The following SLC7A1 variants were observed in gnomAD, a reference collection of about 807,000 sequenced individuals.
SLC7A1 encodes the protein high affinity cationic amino acid transporter 1.
In SLC7A1, 10 loss-of-function variants were observed where a neutral mutation model predicts 53.9. The ratio of observed to expected loss-of-function variants is 0.19; its 90% confidence interval spans 0.11 to 0.31. SLC7A1 has a LOEUF of 0.31. SLC7A1 is among the 10% of genes least tolerant of loss of function. The probability of loss-of-function intolerance (pLI) is 1.00; values close to 1 mark genes in which losing one functional copy is unlikely to be tolerated. For synonymous variants in SLC7A1, 342 were observed against 338.7 expected (o/e 1.01, Z -0.11); for missense variants, 525 against 827.2 (o/e 0.63, Z 4.48).
intron 1 of SLC7A1, among the ~76,000 whole-genome samples, chr13:29,579,844 T>C (rs1456455784): frequency 6.6e-6 from 1 of 152,234 alleles, no homozygotes; most frequent in Non-Finnish European, 1.5e-5. Flanking sequence ...CTGCTCCTTC[T>C]GGTCGAACCG....
intron 2 of SLC7A1, among the ~76,000 whole-genome samples, chr13:29,546,933 T>C (rs1869946345): frequency 6.6e-6 from 1 of 152,182 alleles, no homozygotes; most frequent in South Asian, 2.1e-4. Flanking sequence ...CGAGTCACAA[T>C]TGCTAATCCT....
At chr13:29,568,573 C>T (rs1156395147) in intron 1 of SLC7A1, among the ~76,000 whole-genome samples, 1 of 152,246 alleles carries the variant, frequency 6.6e-6, no homozygotes, top group Non-Finnish European at 1.5e-5. Flanking sequence ...TCACCTTGCA[C>T]ACAGCAGTGC....
At chr13:29,533,086 G>A in intron 3 of SLC7A1, 104 bp from the exon 4 acceptor site, 4 of 1,174,268 alleles carry the variant, frequency 3.4e-6, no homozygotes, top group Non-Finnish European at 4.7e-6. Flanking sequence ...GTCACCGACG[G>A]TGCACTGGAA....
At chr13:29,594,717 G>A (rs535518698) in intron 1 of SLC7A1, among the ~76,000 whole-genome samples, 1 of 152,336 alleles carries the variant, frequency 6.6e-6, no homozygotes, top group Admixed American at 6.5e-5. Flanking sequence ...GGGTCACAAG[G>A]AAGCCCACCT....
At chr13:29,530,315 T>A (rs1160826426) in intron 5 of SLC7A1, among the ~76,000 whole-genome samples, 1 of 152,214 alleles carries the variant, frequency 6.6e-6, no homozygotes, top group Non-Finnish European at 1.5e-5. Context: ...CAGTCTTTCT[T>A]GTCATACAAT....
In SLC7A1 at chr13:29,553,476, C is replaced by T. The variant is rs1054058354; in HGVS notation, c.-15+285G>A. 3.3e-5 allele frequency among the ~76,000 whole-genome samples: 5 copies of T among 152,068 alleles called. No individual in the cohort carries two copies. The East Asian group carries it at 7.7e-4, about 24-fold the overall frequency. On this transcript the variant is annotated intron_variant, in intron 2 of 12. Transcript: ENST00000380752. ...CTCAGGGACGGAAGGCCTGGCCAGC[C>T]GTAGGATATGAAGAGTTCTGTCTGA...
chr13:29,593,725 A>G (rs1248320736), intron 1 of SLC7A1, among the ~76,000 whole-genome samples: 1 of 152,198 alleles, frequency 6.6e-6, no homozygotes, highest in African/African-American at 2.4e-5. Flanking sequence ...AGAAAATTGT[A>G]ACTCCCTGAA....
intron 1 of SLC7A1, among the ~76,000 whole-genome samples, chr13:29,575,760 CTT>C (rs1871383634): frequency 6.6e-6 from 1 of 152,108 alleles, no homozygotes; most frequent in Non-Finnish European, 1.5e-5. Context: ...ACAGTACAAA[CTT>C]TTTCAAAGTT....
intron 1 of SLC7A1, among the ~76,000 whole-genome samples, chr13:29,575,175 G>C (rs1036020245): frequency 6.6e-6 from 1 of 152,158 alleles, no homozygotes; most frequent in Non-Finnish European, 1.5e-5. Context: ...GCCCCTTTGT[G>C]TTACCGTTGC....
intron 5 of SLC7A1, among the ~76,000 whole-genome samples, chr13:29,526,531 G>A (rs527284463): frequency 3.3e-5 from 5 of 152,216 alleles, no homozygotes; most frequent in South Asian, 4.2e-4. Flanking sequence ...ATAAATAAAT[G>A]AATGCTATCA....
intron 1 of SLC7A1, among the ~76,000 whole-genome samples, chr13:29,588,507 T>TC (rs1195738214): frequency 3.1e-4 from 17 of 55,302 alleles, no homozygotes; most frequent in Non-Finnish European, 1.2e-3. Context: ...TTCTTTTCTT[T>TC]CTTTTTTTTT....
intron 1 of SLC7A1, among the ~76,000 whole-genome samples, chr13:29,585,353 T>C (rs763574271): frequency 6.6e-6 from 1 of 152,198 alleles, no homozygotes; most frequent in Non-Finnish European, 1.5e-5. Flanking sequence ...CTAAACCTAG[T>C]GTGTTTTGCA....
chr13:29,530,541 T>C lies in SLC7A1; in HGVS notation c.701A>G (p.Asn234Ser), dbSNP rs1869099627. 6.2e-7 allele frequency: 1 copy of C among 1,613,786 alleles called. No homozygotes were observed. Among genetic ancestry groups the C allele is most frequent in the African/African-American group, 1.3e-5 (1 of 74,916 alleles). ...FGNTSGRLCLNNDTKEGKPGV... is the reference protein window; with the variant it reads ...FGNTSGRLCLSNDTKEGKPGV... Reference sequence around the variant, plus strand: ...ATGGTCAGAAGCAGCAACTCACTTGTTCAAACAGAGACGGCCTGATGTGTT... The same window carrying C: ...ATGGTCAGAAGCAGCAACTCACTTGCTCAAACAGAGACGGCCTGATGTGTT... Residue 234 changes from asparagine to serine, a missense_variant, in exon 5 of 13, where the codon AAC becomes AGC. Asn to Ser is a conservative substitution (Grantham distance 46). Coordinates refer to ENST00000380752, the MANE Select transcript of SLC7A1 (RefSeq NM_003045.5).
intron 11 of SLC7A1, chr13:29,516,930 C>G: frequency 2.1e-6 from 1 of 465,278 alleles, no homozygotes; most frequent in Non-Finnish European, 3.8e-6. Flanking sequence ...CTTGACTACT[C>G]AGGGAAACGT....
chr13:29,527,838 A>G (rs1868967718), intron 5 of SLC7A1, among the ~76,000 whole-genome samples: 1 of 152,252 alleles, frequency 6.6e-6, no homozygotes, highest in African/African-American at 2.4e-5. Flanking sequence ...TTGTGCTCAA[A>G]AGCCACACTC....
intron 2 of SLC7A1, among the ~76,000 whole-genome samples, chr13:29,544,643 C>T (rs895506541): frequency 6.6e-6 from 1 of 152,114 alleles, no homozygotes; most frequent in Non-Finnish European, 1.5e-5. Flanking sequence ...CTATAACATT[C>T]TCCCAAGGAA....
intron 1 of SLC7A1, among the ~76,000 whole-genome samples, chr13:29,578,741 G>T (rs1379846553): frequency 1.3e-5 from 2 of 152,198 alleles, no homozygotes; most frequent in Non-Finnish European, 2.9e-5. Flanking sequence ...ACCCACTAAG[G>T]ATCCACCAAT....
chr13:29,551,985 C>A (rs976612783), intron 2 of SLC7A1, among the ~76,000 whole-genome samples: 2 of 151,984 alleles, frequency 1.3e-5, no homozygotes, highest in African/African-American at 4.8e-5. Flanking sequence ...TATGGGCAGC[C>A]CCTCCTTCCT....
intron 5 of SLC7A1, among the ~76,000 whole-genome samples, chr13:29,529,168 A>G (rs889524077): frequency 1.3e-5 from 2 of 152,214 alleles, no homozygotes; most frequent in Admixed American, 6.5e-5. Flanking sequence ...TCAGTTCTCC[A>G]TAACAGAGTT....
Sources: gnomAD v4.1 joint callset for allele counts (sites outside exome capture counted in the v4.1 genomes callset) on GRCh38, gnomAD v4.1.1 for gene constraint, MANE v1.5 for transcripts, NCBI Gene and HGNC (gene_info 2026-07-23, HGNC 2026-07-21) for gene names.